The following MAST4 variants were observed in gnomAD, a reference collection of about 807,000 sequenced individuals.
MAST4 encodes microtubule associated serine/threonine kinase family member 4.
Under a neutral mutation model 162.7 loss-of-function variants are expected in MAST4, and 89 were observed. The ratio of observed to expected loss-of-function variants is 0.55; its 90% confidence interval spans 0.46 to 0.65. MAST4 has a LOEUF of 0.65. Among genes scored for constraint, MAST4 ranks in the 30% least tolerant of loss-of-function variants. The pLI, the probability that MAST4 is intolerant of heterozygous loss-of-function variation, is 0.00. For synonymous variants in MAST4, 1,479 were observed against 1,361.1 expected, an observed-to-expected ratio of 1.09 and a Z score of -1.91; for missense variants, 3,153 against 3,374.0, an observed-to-expected ratio of 0.93 and a Z score of 1.62.
intron 1 of MAST4, among the ~76,000 whole-genome samples, chr5:66,750,707 C>T (rs906354668): frequency 9.2e-5 from 14 of 152,140 alleles, no homozygotes; most frequent in Admixed American, 7.9e-4. Flanking sequence ...AAGGCGGTAG[C>T]GAGGCTGGGG....
intron 1 of MAST4, among the ~76,000 whole-genome samples, chr5:66,619,632 T>A (rs993282352): frequency 1.1e-4 from 16 of 152,168 alleles, no homozygotes; most frequent in African/African-American, 3.9e-4. Context: ...GACTAAGATA[T>A]TTCTATGCAT....
chr5:66,829,426 C>T (rs1757451998), intron 3 of MAST4, among the ~76,000 whole-genome samples: 1 of 152,048 alleles, frequency 6.6e-6, no homozygotes, highest in Non-Finnish European at 1.5e-5. Flanking sequence ...TAACTCACTG[C>T]CTTGCTTTTT....
In MAST4 at chr5:67,118,705, G is replaced by A. The variant is rs201854589; in HGVS notation, c.1615G>A (p.Asp539Asn). The A allele has an allele frequency of 2.2e-5, 34 of 1,575,662 alleles. No homozygotes were observed. Among genetic ancestry groups the A allele is most frequent in the East Asian group, 1.6e-4 (7 of 43,860 alleles). The part of the protein sequence containing the change: ...LEEMAHLGNY[D>N]SGTAETPETD... ...AGAAATGGCTCATTTGGGAAACTAC[G>A]ATAGTGGGACAGCAGAAACACCAGA... The change falls in exon 13 of 29, where the codon GAT (aspartate) becomes AAT (asparagine). Residue 539 changes from aspartate to asparagine, a missense_variant. Around this residue, in one of 7 missense-constraint regions of MAST4, gnomAD observed 360 missense variants for 450.0 expected, o/e 0.80. Coordinates refer to ENST00000403625, the MANE Select transcript of MAST4 (RefSeq NM_001164664.2).
At chr5:66,635,621 T>C (rs1202776486) in intron 1 of MAST4, among the ~76,000 whole-genome samples, 4 of 152,300 alleles carry the variant, frequency 2.6e-5, no homozygotes, top group South Asian at 2.1e-4. Context: ...AGCTAAACTT[T>C]CCAGCAGCCC....
intron 1 of MAST4, among the ~76,000 whole-genome samples, chr5:66,711,194 T>C (rs1163951485): frequency 6.6e-6 from 1 of 152,244 alleles, no homozygotes; most frequent in African/African-American, 2.4e-5. Context: ...TTCTGCATGG[T>C]TATGCCATTC....
chr5:66,624,169 T>TTTTTTTTTA (rs1744268949), intron 1 of MAST4, among the ~76,000 whole-genome samples: 1 of 124,098 alleles, frequency 8.1e-6, no homozygotes, highest in Non-Finnish European at 1.7e-5. Flanking sequence ...TTTTTTTTTT[T>TTTTTTTTTA]GAGATGGAGT....
Position 67,166,606 on chromosome 5 carries a change from C to G in MAST4, c.7427C>G (p.Ser2476Cys). Reference sequence around the variant, plus strand: ...ACCAGGGCCGGAGTTAGAGAGGCCTCTGCAGCCAGCAGCGACACCTCTTCT... The same window carrying G: ...ACCAGGGCCGGAGTTAGAGAGGCCTGTGCAGCCAGCAGCGACACCTCTTCT... The part of the protein sequence containing the change: ...PETRAGVREA[S>C]AASSDTSSAK... Residue 2476 changes from serine to cysteine, a missense_variant, in exon 29 of 29, where the codon TCT (serine) becomes TGT (cysteine). Ser to Cys is a moderately radical substitution (Grantham distance 112, BLOSUM62 -1). Transcript: ENST00000403625. The G allele has an allele frequency of 1.9e-6, 3 of 1,600,852 alleles. No individual in the cohort carries two copies. Among genetic ancestry groups the G allele is most frequent in the Non-Finnish European group, 2.6e-6 (3 of 1,174,056 alleles).
At chr5:66,947,329 A>G (rs1744160279) in intron 4 of MAST4, among the ~76,000 whole-genome samples, 1 of 152,110 alleles carries the variant, frequency 6.6e-6, no homozygotes, top group South Asian at 2.1e-4. Context: ...ATAAAGGAAT[A>G]TGGTTTGTTT....
intron 1 of MAST4, among the ~76,000 whole-genome samples, chr5:66,684,490 G>T (rs976597723): frequency 2.0e-5 from 3 of 152,126 alleles, no homozygotes; most frequent in Admixed American, 6.5e-5. Context: ...TGGAAATCGG[G>T]TGCCTAAATT....
rs771031879 is a variant in MAST4 at position 67,152,695 on chromosome 5, C to T, written c.3354C>T (p.Asp1118=). 1.2e-6 allele frequency: 2 copies of T among 1,614,064 alleles called. No homozygotes were observed. The highest frequency in any genetic ancestry group is 1.7e-6 in the Non-Finnish European group (2 of 1,179,900). The change falls in exon 25 of 29, where the codon GAC becomes GAT. Residue 1118 remains aspartate (D), a synonymous_variant. Coordinates refer to ENST00000403625, the MANE Select transcript of MAST4 (RefSeq NM_001164664.2). ...SPMSPHSLSS[D]PSSSRDSSPS... is the part of the protein sequence containing the mutation. The stretch of plus-strand genomic sequence containing the variant: ...TGTCTCCCCATTCCCTGTCCTCGGA[C>T]CCTTCTTCTTCACGAGATTCCTCTC...
At chr5:66,925,616 A>C (rs1764838074) in intron 4 of MAST4, among the ~76,000 whole-genome samples, 1 of 152,178 alleles carries the variant, frequency 6.6e-6, no homozygotes, top group Non-Finnish European at 1.5e-5. Context: ...GATTTCCCAG[A>C]GTTCCTCAGG....
At chr5:66,870,280 A>G (rs984772248) in intron 3 of MAST4, among the ~76,000 whole-genome samples, 1 of 152,164 alleles carries the variant, frequency 6.6e-6, no homozygotes, top group Non-Finnish European at 1.5e-5. Context: ...GATGATGGAC[A>G]CAGGAGCTTC....
At chr5:67,009,706 G>T (rs1752447981) in intron 4 of MAST4, among the ~76,000 whole-genome samples, 1 of 152,168 alleles carries the variant, frequency 6.6e-6, no homozygotes, top group Non-Finnish European at 1.5e-5. Flanking sequence ...AAGCTGCGGA[G>T]GAGAGCTGAG....
intron 4 of MAST4, among the ~76,000 whole-genome samples, chr5:67,002,843 C>T (rs146640744): frequency 2.0e-5 from 3 of 151,786 alleles, no homozygotes; most frequent in African/African-American, 7.3e-5. Flanking sequence ...CTGTATCACC[C>T]CTCTCAGAGA....
At chr5:66,796,097 T>C (rs903926288) in intron 3 of MAST4, among the ~76,000 whole-genome samples, 2 of 152,210 alleles carry the variant, frequency 1.3e-5, no homozygotes, top group Non-Finnish European at 2.9e-5. Context: ...TAGGCTCACC[T>C]GAGCCCATCC....
At chr5:66,973,516 C>T (rs1042506731) in intron 4 of MAST4, among the ~76,000 whole-genome samples, 1 of 152,142 alleles carries the variant, frequency 6.6e-6, no homozygotes, top group Non-Finnish European at 1.5e-5. Flanking sequence ...ATGATGTCCT[C>T]CTCATAGCAT....
chr5:66,869,191 CT>C (rs965725691), intron 3 of MAST4, among the ~76,000 whole-genome samples: 2 of 152,130 alleles, frequency 1.3e-5, no homozygotes, highest in African/African-American at 4.8e-5. Flanking sequence ...TTGATAACTT[CT>C]TTTAGGGGGA....
chr5:66,746,020 G>A (rs888055902), intron 1 of MAST4, among the ~76,000 whole-genome samples: 2 of 152,166 alleles, frequency 1.3e-5, no homozygotes, highest in African/African-American at 4.8e-5. Flanking sequence ...TCTGGTCTGC[G>A]TTCGTGCACC....
intron 1 of MAST4, among the ~76,000 whole-genome samples, chr5:66,675,078 G>A (rs542924415): frequency 6.6e-5 from 10 of 152,242 alleles, no homozygotes; most frequent in South Asian, 6.2e-4. Context: ...TCTGCCTGCC[G>A]TATGCATTCT....
Sources: allele counts gnomAD v4.1 joint callset (sites outside exome capture counted in the v4.1 genomes callset), GRCh38; gene constraint gnomAD v4.1.1; regional missense constraint gnomAD v4.1.1; transcripts MANE v1.5; gene names NCBI Gene and HGNC (gene_info 2026-07-23, HGNC 2026-07-21).